PCBP3: variants seen among roughly 807,000 people sequenced by gnomAD.
The protein encoded by PCBP3 is poly(rC) binding protein 3, also known as poly(rC)-binding protein 3.
A neutral mutation model predicts 52.7 loss-of-function variants in PCBP3; 25 were observed. That is an observed-to-expected ratio of 0.47 (90% confidence interval 0.35 to 0.66). The LOEUF is 0.66. PCBP3 is among the 30% of genes least tolerant of loss of function. The probability of loss-of-function intolerance (pLI) is 0.01; values close to 1 mark genes in which losing one functional copy is unlikely to be tolerated. For missense variants in PCBP3, 391 were observed against 490.3 expected, an observed-to-expected ratio of 0.80 and a Z score of 1.91; for synonymous variants, 162 against 183.0, an observed-to-expected ratio of 0.89 and a Z score of 0.93.
At chr21:45,663,284 C>G (rs553383451) in intron 1 of PCBP3, among the ~76,000 whole-genome samples, 4 of 152,228 alleles carry the variant, frequency 2.6e-5, no homozygotes, top group Non-Finnish European at 5.9e-5. Flanking sequence ...TTACCCTGCC[C>G]CCTTGTCTTG....
chr21:45,843,510 G>T (rs2093741769), intron 4 of PCBP3, among the ~76,000 whole-genome samples: 1 of 151,992 alleles, frequency 6.6e-6, no homozygotes, highest in African/African-American at 2.4e-5. Context: ...CTAATTTTGT[G>T]TTTCTTTACT....
intron 2 of PCBP3, among the ~76,000 whole-genome samples, chr21:45,691,435 A>T (rs1378084217): frequency 8.4e-6 from 1 of 119,224 alleles, no homozygotes; most frequent in African/African-American, 3.6e-5. Context: ...AAATATATAT[A>T]TCATATATAT....
At chr21:45,697,185 A>G (rs2076180138) in intron 2 of PCBP3, among the ~76,000 whole-genome samples, 1 of 152,212 alleles carries the variant, frequency 6.6e-6, no homozygotes, top group African/African-American at 2.4e-5. Context: ...TGATATCTAT[A>G]AGAAATTTCC....
chr21:45,743,323 T>G (rs2086585855), intron 3 of PCBP3, among the ~76,000 whole-genome samples: 1 of 152,244 alleles, frequency 6.6e-6, no homozygotes, highest in South Asian at 2.1e-4. Flanking sequence ...TGACCCAACA[T>G]TCACCATGAA....
At chr21:45,758,215 T>A (rs2088262142) in intron 4 of PCBP3, among the ~76,000 whole-genome samples, 1 of 152,252 alleles carries the variant, frequency 6.6e-6, no homozygotes, top group Admixed American at 6.5e-5. Context: ...ATGTTTTGGA[T>A]CCTGGAGATT....
At chr21:45,844,495 A>G (rs980461938) in intron 4 of PCBP3, among the ~76,000 whole-genome samples, 15 of 152,132 alleles carry the variant, frequency 9.9e-5, no homozygotes, top group African/African-American at 3.6e-4. Flanking sequence ...CCAGGGTAGA[A>G]TTCAGCGTGG....
intron 14 of PCBP3, 143 bp from the exon 15 acceptor site, chr21:45,930,643 C>T: frequency 1.8e-6 from 1 of 552,420 alleles, no homozygotes; most frequent in Admixed American, 3.1e-5. Flanking sequence ...TCCCTCCCCA[C>T]AGAGGCAGTG....
intron 4 of PCBP3, among the ~76,000 whole-genome samples, chr21:45,758,289 T>A (rs181603686): frequency 2.4e-4 from 36 of 152,042 alleles, no homozygotes; most frequent in Middle Eastern, 3.4e-3. Context: ...TTTTGACTAT[T>A]TTTTTTTGTC....
chr21:45,935,505 A>G (rs755867603), intron 16 of PCBP3, 200 bp downstream of exon 16: 1 of 686,494 alleles, frequency 1.5e-6, no homozygotes, highest in South Asian at 1.5e-5. Context: ...GTGTTTTTAC[A>G]TCCCTAAGAT....
At position 45,900,674 on chromosome 21, in the gene PCBP3, G is replaced by A. The variant is rs1005322420; in HGVS notation, c.222+51G>A. On this transcript the variant is annotated intron_variant, in intron 8 of 17. Transcript: ENST00000681687. Reference sequence around the variant, plus strand: ...CCGCAGCCATTCCCGGGTGGGCGGGGTGGGTCCCCAGGCTCTGCCCCTGCC... The same window carrying A: ...CCGCAGCCATTCCCGGGTGGGCGGGATGGGTCCCCAGGCTCTGCCCCTGCC... 9 of 1,281,318 alleles carry A rather than the reference G, an allele frequency of 7.0e-6. No individual in the cohort carries two copies. In the African/African-American group the frequency reaches 1.2e-4, roughly 17 times the overall value. 79.4% of individuals were successfully genotyped at this position (1,281,318 alleles called of 1,614,324 possible). A position where few individuals can be genotyped will look rare whatever the true frequency, so the allele number is the denominator to read the frequency against.
In PCBP3 at chr21:45,933,973, G is replaced by A. The variant is rs190782251; in HGVS notation, c.857-1280G>A. On this transcript the variant is annotated intron_variant, in intron 15 of 17. Transcript: ENST00000681687. Reference sequence around the variant, plus strand: ...TTTAACATGGAGTTGGGGGGCACAGGAGGCGCCGTGAGGAAGTAGGAGCTC... The same window carrying A: ...TTTAACATGGAGTTGGGGGGCACAGAAGGCGCCGTGAGGAAGTAGGAGCTC... 1.6e-3 allele frequency among the ~76,000 whole-genome samples: 244 copies of A among 152,264 alleles called. 1 individual carries two copies. The highest frequency in any genetic ancestry group is 5.6e-3 in the African/African-American group (234 of 41,540).
At chr21:45,765,528 C>A (rs2089225707) in intron 4 of PCBP3, among the ~76,000 whole-genome samples, 1 of 152,222 alleles carries the variant, frequency 6.6e-6, no homozygotes, top group African/African-American at 2.4e-5. Context: ...CTGCCAGACC[C>A]CAGGGTGCGC....
intron 5 of PCBP3, among the ~76,000 whole-genome samples, chr21:45,851,226 G>A (rs766230178): frequency 7.9e-5 from 12 of 152,206 alleles, no homozygotes; most frequent in Non-Finnish European, 1.8e-4. Flanking sequence ...GTTAAAGAAA[G>A]TGGAAGGGCC....
chr21:45,679,112 A>G (rs992029544), intron 2 of PCBP3, among the ~76,000 whole-genome samples: 1 of 112,482 alleles, frequency 8.9e-6, no homozygotes, highest in African/African-American at 3.4e-5. Context: ...GCAATAAACT[A>G]TTTTTACTTT....
chr21:45,925,660 C>A, intron 13 of PCBP3, among the ~76,000 whole-genome samples: 1 of 150,972 alleles, frequency 6.6e-6, no homozygotes, highest in African/African-American at 2.4e-5. Context: ...GAATATGCAA[C>A]AAAATCAGCT....
intron 5 of PCBP3, among the ~76,000 whole-genome samples, chr21:45,889,739 C>T (rs1569447643): frequency 1.3e-5 from 2 of 152,192 alleles, no homozygotes; most frequent in African/African-American, 2.4e-5. Flanking sequence ...TGTTTGTTGC[C>T]GTGAGTGCTG....
At chr21:45,927,898 C>T (rs1241439194) in intron 13 of PCBP3, among the ~76,000 whole-genome samples, 2 of 152,184 alleles carry the variant, frequency 1.3e-5, no homozygotes, top group African/African-American at 4.8e-5. Context: ...CCTCCCCGTG[C>T]CCCATTCCCT....
Position 45,940,034 on chromosome 21 carries a change from T to C in PCBP3, c.914T>C (p.Ile305Thr). ...THELTIPNDL[I>T]GCIIGRQGTK... ...TCCCCCCGTCCTTGTTTCTAGCTAA[T>C]AGGCTGCATAATTGGACGCCAAGGG... The change falls in exon 17 of 18, where the codon ATA becomes ACA. Residue 305 changes from isoleucine to threonine, a missense_variant. By Grantham distance (89) the Ile-to-Thr change is moderately conservative. Coordinates refer to ENST00000681687, the MANE Select transcript of PCBP3 (RefSeq NM_001384156.1). 1 of 1,613,814 alleles carries C rather than the reference T, an allele frequency of 6.2e-7. No homozygotes were observed. The highest frequency in any genetic ancestry group is 8.5e-7 in the Non-Finnish European group (1 of 1,179,762).
Position 45,787,309 on chromosome 21 carries a change from A to G in PCBP3, c.-126+31857A>G, listed in dbSNP as rs1356402137. Reference sequence around the variant, plus strand: ...GCCCAGGCTGGAGTGCAATGGCGTGATCATAGCTCACTGCATCCTCAACTT... The same window carrying G: ...GCCCAGGCTGGAGTGCAATGGCGTGGTCATAGCTCACTGCATCCTCAACTT... On this transcript the variant is annotated intron_variant, in intron 4 of 17. Coordinates refer to ENST00000681687, the MANE Select transcript of PCBP3 (RefSeq NM_001384156.1). Among the ~76,000 whole-genome samples the G allele has an allele frequency of 3.9e-5, 6 of 152,020 alleles. No homozygotes were observed. The East Asian group carries it at 1.2e-3, about 29-fold the overall frequency.
Sources: allele counts gnomAD v4.1 joint callset (sites outside exome capture counted in the v4.1 genomes callset), GRCh38; gene constraint gnomAD v4.1.1; transcripts MANE v1.5; gene names NCBI Gene and HGNC (gene_info 2026-07-23, HGNC 2026-07-21).